Variants in C5 observed in about 807,000 individuals in gnomAD.
C5 encodes the protein C3 and PZP-like alpha-2-macroglobulin domain-containing protein 4.
In C5, 140 loss-of-function variants were observed where a neutral mutation model predicts 218.8. That is an observed-to-expected ratio of 0.64 (90% CI 0.56 to 0.74). The LOEUF (loss-of-function observed/expected upper bound fraction) is 0.74, where lower values mean the gene tolerates loss of function less well. Ranked by LOEUF, C5 falls within the 30% of genes least tolerant of loss-of-function variation. The probability of loss-of-function intolerance (pLI) is 0.00; values close to 1 mark genes in which losing one functional copy is unlikely to be tolerated. For missense variants in C5, 1,700 were observed against 1,969.6 expected (o/e 0.86, Z 2.59); for synonymous variants, 614 against 682.3 (o/e 0.90, Z 1.56).
chr9:121,030,375 A>G lies in C5; in HGVS notation c.758+22T>C, dbSNP rs1031559009. ...AATTTGAAAAATAAAAATAAAAACA[A>G]CAAAAAAACAAATGTTCTTACCTTG... On this transcript the variant is annotated intron_variant, in intron 7 of 40. Transcript: ENST00000223642. The G allele has an allele frequency of 1.2e-5, 15 of 1,261,734 alleles. No homozygotes were observed. The Admixed American group carries it at 1.6e-4, about 14-fold the overall frequency. 78.2% of individuals were successfully genotyped at this position (1,261,734 alleles called of 1,614,324 possible).
intron 15 of C5, 53 bp downstream of exon 15, chr9:121,016,200 TG>T: frequency 6.2e-7 from 1 of 1,608,372 alleles, no homozygotes. Context: ...AAATGAGATC[TG>T]GGGGGCAAAT....
At position 120,962,981 on chromosome 9, in the gene C5, G is replaced by C. The variant is rs1187988699; in HGVS notation, c.4324-14C>G. 2 of 1,598,710 alleles carry C rather than the reference G, an allele frequency of 1.3e-6. No homozygotes were observed. Among genetic ancestry groups the C allele is most frequent in the Admixed American group, 1.7e-5 (1 of 59,962 alleles). ...CCCTTCCACAAGCTAAGGGGGAAAA[G>C]AGAGAAGCTTGAATTTCATTTCATT... On this transcript the variant is annotated splice_polypyrimidine_tract_variant and intron_variant, in intron 34 of 40. Coordinates refer to ENST00000223642, the MANE Select transcript of C5 (RefSeq NM_001735.3).
the C5 span, among the ~76,000 whole-genome samples, chr9:121,065,104 G>A: frequency 6.6e-6 from 1 of 151,822 alleles, no homozygotes; most frequent in Non-Finnish European, 1.5e-5. Context: ...AAAGTATAAA[G>A]TTAAATTTAG....
At chr9:121,008,836 A>G (rs1163916771) in intron 17 of C5, among the ~76,000 whole-genome samples, 1 of 152,170 alleles carries the variant, frequency 6.6e-6, no homozygotes. Context: ...AGGCTGAGGC[A>G]CAAGAATCAC....
chr9:121,064,219 G>A, the C5 span, among the ~76,000 whole-genome samples: 1 of 150,972 alleles, frequency 6.6e-6, no homozygotes, highest in Non-Finnish European at 1.5e-5. Flanking sequence ...TTATGTATTT[G>A]AGATTTTATG....
intron 4 of C5, among the ~76,000 whole-genome samples, chr9:121,037,174 A>G (rs2047533636): frequency 6.6e-6 from 1 of 152,104 alleles, no homozygotes; most frequent in Non-Finnish European, 1.5e-5. Context: ...CCTTAAGAGT[A>G]AGTACCATTA....
At chr9:121,063,349 C>G in the C5 span, among the ~76,000 whole-genome samples, 1 of 151,836 alleles carries the variant, frequency 6.6e-6, no homozygotes. Context: ...TTGTAGTTTT[C>G]AAATACAGAA....
intron 2 of C5, among the ~76,000 whole-genome samples, chr9:121,044,164 C>T (rs2047605205): frequency 6.6e-6 from 1 of 152,024 alleles, no homozygotes; most frequent in African/African-American, 2.4e-5. Context: ...GTTCTTTCTC[C>T]CCTTTTAAGA....
chr9:120,994,088 T>C lies in C5; in HGVS notation c.2851+2152A>G, dbSNP rs79420765. Reference sequence around the variant, plus strand: ...TAAAGACTAGAGCTAGTCTTAAGCATTGAGTCTCTGTGTTTAGTCTTTTTT... The same window carrying C: ...TAAAGACTAGAGCTAGTCTTAAGCACTGAGTCTCTGTGTTTAGTCTTTTTT... On this transcript the variant is annotated intron_variant, in intron 22 of 40. Transcript: ENST00000223642. 1.1e-3 allele frequency among the ~76,000 whole-genome samples: 170 copies of C among 152,310 alleles called. 1 individual carries two copies. In the East Asian group the frequency reaches 0.028, roughly 25 times the overall value.
At chr9:121,034,661 G>A (rs2047507771) in intron 5 of C5, 142 bp downstream of exon 5, 1 of 603,976 alleles carries the variant, frequency 1.7e-6, no homozygotes, top group Non-Finnish European at 2.9e-6. Context: ...CAGAGCTTAA[G>A]TTCTTGCTAG....
In C5 at chr9:120,970,312, T is replaced by C. The variant is rs1466489788; in HGVS notation, c.4081-61A>G. 24 of 1,090,730 alleles carry C rather than the reference T, an allele frequency of 2.2e-5. No individual in the cohort carries two copies. The South Asian group carries it at 3.0e-4, about 14-fold the overall frequency. The allele number at this position is 1,090,730 out of a possible 1,614,324, so 67.6% of individuals were successfully genotyped here. A position where few individuals can be genotyped will look rare whatever the true frequency, so the allele number is the denominator to read the frequency against. ...TAAAGTGGGAAAGTGACAAAGGTATTATGGCAACACTGCTGCTGCAGATGG... is the reference window on the plus strand; with the variant it reads ...TAAAGTGGGAAAGTGACAAAGGTATCATGGCAACACTGCTGCTGCAGATGG... On this transcript the variant is annotated intron_variant, in intron 31 of 40. Transcript: ENST00000223642.
intron 26 of C5, among the ~76,000 whole-genome samples, chr9:120,982,200 C>CG (rs1342364580): frequency 1.3e-5 from 2 of 152,250 alleles, no homozygotes; most frequent in East Asian, 1.9e-4. Flanking sequence ...TTAGTAGAGA[C>CG]GGGGTTTCAC....
In C5 at chr9:121,023,478, CAT is replaced by C; in HGVS notation, c.1040_1041del (p.Tyr347CysfsTer29). ...AAATTCAGTTTGTAGGGAGAGAGGACATATTTGATGCCAGGTATTTCTGCCTC... is the reference window on the plus strand; with the variant it reads ...AAATTCAGTTTGTAGGGAGAGAGGACATTTGATGCCAGGTATTTCTGCCTC... ...SEEAEIPGIKYVLSPYKLNLV... is the reference protein window; with the variant it reads ...SEEAEIPGIKXVLSPYKLNLV... On this transcript the variant is annotated frameshift_variant, in exon 10 of 41. Coordinates refer to ENST00000223642, the MANE Select transcript of C5 (RefSeq NM_001735.3). LOFTEE classifies it high-confidence loss of function. The C allele has an allele frequency of 5.0e-6, 8 of 1,613,792 alleles. No homozygotes were observed. Among genetic ancestry groups the C allele is most frequent in the Non-Finnish European group, 6.8e-6 (8 of 1,179,698 alleles).
intron 31 of C5, among the ~76,000 whole-genome samples, chr9:120,971,367 A>T (rs765138239): frequency 3.3e-5 from 5 of 151,920 alleles, no homozygotes; most frequent in Middle Eastern, 3.4e-3. Context: ...ACACATATAT[A>T]ATCATAAAAT....
At position 121,050,181 on chromosome 9, in the gene C5, C is replaced by G. The variant is rs575532353; in HGVS notation, c.65+1G>C. 2 of 1,609,454 alleles carry G rather than the reference C, an allele frequency of 1.2e-6. No homozygotes were observed. The highest frequency in any genetic ancestry group is 1.1e-5 in the South Asian group (1 of 90,994). On this transcript the variant is annotated splice_donor_variant, in intron 1 of 40. Transcript: ENST00000223642. LOFTEE classifies it high-confidence loss of function. ...AAATGAAGATAGCTTGTTTTACTTA[C>G]GTTTGCTCCTGTCCCCAGGTTTTCC...
chr9:121,028,012 C>A (rs1215372754), intron 7 of C5, among the ~76,000 whole-genome samples: 1 of 152,114 alleles, frequency 6.6e-6, no homozygotes, highest in Non-Finnish European at 1.5e-5. Flanking sequence ...AAACAAACAA[C>A]CCCATCAAAA....
At chr9:121,011,921 A>T (rs1322607525) in intron 17 of C5, among the ~76,000 whole-genome samples, 1 of 152,146 alleles carries the variant, frequency 6.6e-6, no homozygotes, top group African/African-American at 2.4e-5. Flanking sequence ...GGTGCTAAAA[A>T]TCAAAACAAT....
intron 20 of C5, among the ~76,000 whole-genome samples, chr9:121,002,198 G>A (rs1254079601): frequency 5.7e-5 from 5 of 87,068 alleles, no homozygotes; most frequent in African/African-American, 1.8e-4. Context: ...GTACATATAC[G>A]TATATATGTA....
intron 30 of C5, among the ~76,000 whole-genome samples, chr9:120,972,883 T>C (rs1460970409): frequency 1.3e-5 from 2 of 152,160 alleles, no homozygotes; most frequent in Non-Finnish European, 2.9e-5. Flanking sequence ...TGATAGAATA[T>C]AGCAGCATTT....
Sources: allele counts gnomAD v4.1 joint callset (sites outside exome capture counted in the v4.1 genomes callset), GRCh38; gene constraint gnomAD v4.1.1; transcripts MANE v1.5; gene names NCBI Gene and HGNC (gene_info 2026-07-23, HGNC 2026-07-21).